Variants in C3orf70 observed in about 807,000 individuals in gnomAD.
C3orf70 encodes chromosome 3 open reading frame 70.
In C3orf70, 15 loss-of-function variants were observed where a neutral mutation model predicts 20.7. The observed-to-expected ratio is 0.72, with a 90% confidence interval of 0.48 to 1.11. The LOEUF (loss-of-function observed/expected upper bound fraction) is 1.11, where lower values mean the gene tolerates loss of function less well. Ranked by LOEUF, C3orf70 falls within the 50% of genes most tolerant of loss-of-function variation. The pLI is 0.00. For missense variants in C3orf70, 332 were observed against 317.6 expected, an observed-to-expected ratio of 1.05 and a Z score of -0.34; for synonymous variants, 161 against 125.7, an observed-to-expected ratio of 1.28 and a Z score of -1.88.
chr3:185,107,706 C>T (rs1417318145), intron 1 of C3orf70, among the ~76,000 whole-genome samples: 2 of 152,152 alleles, frequency 1.3e-5, no homozygotes, highest in Non-Finnish European at 2.9e-5. Context: ...GTTTTCCTAA[C>T]TAAGAAAAAA....
chr3:185,114,981 C>G (rs73885696), intron 1 of C3orf70, among the ~76,000 whole-genome samples: 1 of 152,324 alleles, frequency 6.6e-6, no homozygotes, highest in African/African-American at 2.4e-5. Flanking sequence ...CTCAAACGCT[C>G]TGGTTTAATT....
chr3:185,143,993 C>CAA (rs1281784014), intron 1 of C3orf70, among the ~76,000 whole-genome samples: 3 of 150,890 alleles, frequency 2.0e-5, no homozygotes, highest in Non-Finnish European at 4.4e-5. Flanking sequence ...CACACACACA[C>CAA]ACACACACAC....
intron 1 of C3orf70, among the ~76,000 whole-genome samples, chr3:185,104,847 T>C (rs546883691): frequency 6.6e-6 from 1 of 152,146 alleles, no homozygotes; most frequent in Non-Finnish European, 1.5e-5. Flanking sequence ...GAAAGGATCA[T>C]GAAAAATAAC....
rs1717027826 is a variant in C3orf70 at position 185,152,934 on chromosome 3, G to C, written c.-111C>G. 9.7e-7 allele frequency: 1 copy of C among 1,026,928 alleles called. No homozygotes were observed. The highest frequency in any genetic ancestry group is 3.5e-4 in the Middle Eastern group (1 of 2,872). 63.6% of individuals were successfully genotyped at this position (1,026,928 alleles called of 1,614,324 possible). A position where few individuals can be genotyped will look rare whatever the true frequency, so the allele number is the denominator to read the frequency against. On this transcript the variant is annotated 5_prime_UTR_variant, in exon 1 of 2. Coordinates refer to ENST00000335012, the MANE Select transcript of C3orf70 (RefSeq NM_001025266.3). ...CGGGAGGGCGCGGCACGGGCCGGGA[G>C]TCACGCCAGCACGCGGCGGCGGCGG...
At chr3:185,140,607 A>G (rs1048670183) in intron 1 of C3orf70, among the ~76,000 whole-genome samples, 9 of 151,962 alleles carry the variant, frequency 5.9e-5, no homozygotes, top group African/African-American at 2.2e-4. Context: ...GGGAAGTAAT[A>G]ATAGGTCTTG....
intron 1 of C3orf70, among the ~76,000 whole-genome samples, chr3:185,149,810 C>A (rs1716952327): frequency 6.6e-6 from 1 of 152,082 alleles, no homozygotes; most frequent in Admixed American, 6.6e-5. Context: ...CGGAGGACTG[C>A]CAAAGACTGG....
At chr3:185,103,992 G>A (rs781162101) in intron 1 of C3orf70, among the ~76,000 whole-genome samples, 4 of 152,292 alleles carry the variant, frequency 2.6e-5, no homozygotes, top group East Asian at 1.9e-4. Context: ...AGAGACATAC[G>A]CACAACTACA....
At chr3:185,125,023 G>A (rs1486663162) in intron 1 of C3orf70, among the ~76,000 whole-genome samples, 1 of 152,056 alleles carries the variant, frequency 6.6e-6, no homozygotes, top group South Asian at 2.1e-4. Flanking sequence ...TGCTGGCAAG[G>A]ATGTAGAGCA....
chr3:185,105,137 G>A (rs912931321), intron 1 of C3orf70, among the ~76,000 whole-genome samples: 2 of 152,164 alleles, frequency 1.3e-5, no homozygotes, highest in Non-Finnish European at 2.9e-5. Context: ...CTAAAACAAT[G>A]ACTACAACTG....
At chr3:185,146,112 A>G (rs113916148) in intron 1 of C3orf70, among the ~76,000 whole-genome samples, 11 of 151,614 alleles carry the variant, frequency 7.3e-5, no homozygotes, top group East Asian at 1.9e-4. Context: ...AGCTTTCTCT[A>G]TCTCTGGAAG....
At chr3:185,115,572 A>G (rs16859634) in intron 1 of C3orf70, among the ~76,000 whole-genome samples, 7,903 of 152,234 alleles carry the variant, frequency 0.052, 669 homozygotes, top group African/African-American at 0.18. Flanking sequence ...GAAAAAAACA[A>G]AACTACATAT....
chr3:185,098,854 A>G (rs1715763527), intron 1 of C3orf70, among the ~76,000 whole-genome samples: 1 of 152,208 alleles, frequency 6.6e-6, no homozygotes, highest in African/African-American at 2.4e-5. Context: ...CCAGCTTCCC[A>G]AGCAAGAGAA....
At chr3:185,146,489 T>C (rs947701133) in intron 1 of C3orf70, among the ~76,000 whole-genome samples, 6 of 152,070 alleles carry the variant, frequency 3.9e-5, no homozygotes, top group East Asian at 1.9e-4. Context: ...GGTTTCTCCA[T>C]GTTGGCCAGG....
intron 1 of C3orf70, among the ~76,000 whole-genome samples, chr3:185,150,033 GTGTA>G (rs1179949552): frequency 6.6e-6 from 1 of 151,760 alleles, no homozygotes; most frequent in Non-Finnish European, 1.5e-5. Context: ...TAAAAAAAGA[GTGTA>G]TGTACAGATA....
chr3:185,093,779 G>T (rs972243679), intron 1 of C3orf70, among the ~76,000 whole-genome samples: 2 of 151,906 alleles, frequency 1.3e-5, no homozygotes, highest in Non-Finnish European at 2.9e-5. Context: ...ATAATGGGGG[G>T]CGGGGGGACG....
At chr3:185,130,225 C>T (rs574760329) in intron 1 of C3orf70, among the ~76,000 whole-genome samples, 165 of 152,116 alleles carry the variant, frequency 1.1e-3, no homozygotes, top group African/African-American at 3.8e-3. Context: ...CCGAGGCGGG[C>T]GGATCACAAG....
chr3:185,101,597 A>G (rs531376051), intron 1 of C3orf70, among the ~76,000 whole-genome samples: 8 of 152,338 alleles, frequency 5.3e-5, no homozygotes, highest in Non-Finnish European at 1.2e-4. Flanking sequence ...TCATGGTGGA[A>G]GGTGAATGGG....
At chr3:185,107,818 A>G (rs1715978380) in intron 1 of C3orf70, among the ~76,000 whole-genome samples, 1 of 152,194 alleles carries the variant, frequency 6.6e-6, no homozygotes, top group African/African-American at 2.4e-5. Context: ...CTGTAATTCC[A>G]AAAAATTGGC....
At chr3:185,083,991 C>T (rs995593675) in intron 1 of C3orf70, among the ~76,000 whole-genome samples, 13 of 152,174 alleles carry the variant, frequency 8.5e-5, no homozygotes, top group Non-Finnish European at 1.6e-4. Flanking sequence ...TCCAGACTAG[C>T]CTGGCCAACG....
Sources: gnomAD v4.1 joint callset for allele counts (sites outside exome capture counted in the v4.1 genomes callset) on GRCh38, gnomAD v4.1.1 for gene constraint, MANE v1.5 for transcripts, NCBI Gene and HGNC (gene_info 2026-07-23, HGNC 2026-07-21) for gene names.